Variants in CADM2 observed in about 807,000 individuals in gnomAD.
CADM2 encodes the protein immunoglobulin superfamily member 4D.
In CADM2, 12 loss-of-function variants were observed where a neutral mutation model predicts 49.8. That is an observed-to-expected ratio of 0.24 (90% CI 0.15 to 0.39). The LOEUF (loss-of-function observed/expected upper bound fraction) is 0.39. CADM2 is among the 10% of genes least tolerant of loss of function. The pLI, the probability that CADM2 is intolerant of heterozygous loss-of-function variation, is 1.00. For missense variants in CADM2, 378 were observed against 492.3 expected, an observed-to-expected ratio of 0.77 and a Z score of 2.20; for synonymous variants, 214 against 175.4, an observed-to-expected ratio of 1.22 and a Z score of -1.74.
chr3:85,714,971 A>G (rs1481978753), intron 1 of CADM2, among the ~76,000 whole-genome samples: 1 of 152,202 alleles, frequency 6.6e-6, no homozygotes, highest in African/African-American at 2.4e-5. Context: ...TTACTAATAC[A>G]GAGTCCAATC....
intron 1 of CADM2, among the ~76,000 whole-genome samples, chr3:85,697,803 G>A (rs1415269489): frequency 6.6e-6 from 1 of 152,118 alleles, no homozygotes; most frequent in East Asian, 1.9e-4. Context: ...TTATGTACAT[G>A]TATATTATTT....
chr3:85,508,179 G>A (rs149197820), intron 1 of CADM2, among the ~76,000 whole-genome samples: 139 of 152,178 alleles, frequency 9.1e-4, no homozygotes, highest in African/African-American at 2.8e-3. Context: ...CCATGAGCAC[G>A]TATTGTTTTC....
intron 8 of CADM2, among the ~76,000 whole-genome samples, chr3:85,987,731 T>C (rs1244568251): frequency 6.8e-6 from 1 of 148,008 alleles, no homozygotes; most frequent in Admixed American, 6.8e-5. Flanking sequence ...ATATAATTAT[T>C]ATAATTTCAG....
intron 1 of CADM2, among the ~76,000 whole-genome samples, chr3:85,221,172 A>G (rs1458024230): frequency 6.6e-6 from 1 of 152,150 alleles, no homozygotes; most frequent in African/African-American, 2.4e-5. Context: ...CAATGTTCCA[A>G]ATATCCAATA....
chr3:85,230,702 A>G (rs539294002), intron 1 of CADM2, among the ~76,000 whole-genome samples: 1 of 152,316 alleles, frequency 6.6e-6, no homozygotes, highest in African/African-American at 2.4e-5. Context: ...TACTGCTTGT[A>G]TAAGGAAAAT....
At chr3:85,057,962 T>A (rs1195069766) in intron 1 of CADM2, among the ~76,000 whole-genome samples, 1 of 152,172 alleles carries the variant, frequency 6.6e-6, no homozygotes, top group East Asian at 1.9e-4. Flanking sequence ...ATTTTCCCGA[T>A]GGTAGGTATT....
At chr3:85,159,564 C>T (rs2040250715) in intron 1 of CADM2, among the ~76,000 whole-genome samples, 1 of 152,080 alleles carries the variant, frequency 6.6e-6, no homozygotes, top group Non-Finnish European at 1.5e-5. Flanking sequence ...TTTCGTAGTG[C>T]TTATGTTGTT....
At chr3:85,701,326 G>A (rs1577115945) in intron 1 of CADM2, among the ~76,000 whole-genome samples, 1 of 152,264 alleles carries the variant, frequency 6.6e-6, no homozygotes, top group East Asian at 1.9e-4. Flanking sequence ...ATTACAACAT[G>A]AGATTTGGGT....
chr3:85,297,086 A>G (rs764943210), intron 1 of CADM2, among the ~76,000 whole-genome samples: 1 of 152,014 alleles, frequency 6.6e-6, no homozygotes, highest in East Asian at 1.9e-4. Context: ...ACTCCACACT[A>G]CCTTGTTTAT....
At chr3:85,708,574 A>C (rs1258722958) in intron 1 of CADM2, among the ~76,000 whole-genome samples, 1 of 152,192 alleles carries the variant, frequency 6.6e-6, no homozygotes, top group Non-Finnish European at 1.5e-5. Flanking sequence ...CAGTGTAAGC[A>C]AAATGGATCA....
At chr3:85,019,468 G>C (rs995909702) in intron 1 of CADM2, among the ~76,000 whole-genome samples, 1 of 152,164 alleles carries the variant, frequency 6.6e-6, no homozygotes, top group African/African-American at 2.4e-5. Flanking sequence ...GGTTGACAGA[G>C]TGAGATCCTG....
chr3:85,272,953 T>C (rs1227898283), intron 1 of CADM2, among the ~76,000 whole-genome samples: 2 of 151,096 alleles, frequency 1.3e-5, no homozygotes, highest in Non-Finnish European at 3.0e-5. Context: ...TGTATAAGTG[T>C]TATGATGAAC....
At chr3:85,291,345 C>T (rs1331024466) in intron 1 of CADM2, among the ~76,000 whole-genome samples, 3 of 151,436 alleles carry the variant, frequency 2.0e-5, no homozygotes, top group Non-Finnish European at 4.4e-5. Context: ...GAGAATGGAA[C>T]CAAGTTGGAA....
chr3:85,254,257 G>C (rs1450097588), intron 1 of CADM2, among the ~76,000 whole-genome samples: 1 of 152,004 alleles, frequency 6.6e-6, no homozygotes, highest in Admixed American at 6.6e-5. Flanking sequence ...TGTGGGAAGG[G>C]GTGTGGAGTT....
intron 1 of CADM2, among the ~76,000 whole-genome samples, chr3:85,241,993 C>A (rs1369611628): frequency 7.9e-5 from 12 of 151,030 alleles, no homozygotes; most frequent in Admixed American, 7.9e-4. Context: ...TAGTTGCATG[C>A]CCCACATGAT....
chr3:85,755,796 A>G (rs946973692), intron 2 of CADM2, among the ~76,000 whole-genome samples: 2 of 151,976 alleles, frequency 1.3e-5, no homozygotes, highest in African/African-American at 2.4e-5. Flanking sequence ...TGATCCAATC[A>G]CCCCTCACCA....
intron 8 of CADM2, chr3:86,013,414 CAGA>C: frequency 6.4e-7 from 1 of 1,554,046 alleles, no homozygotes; most frequent in Non-Finnish European, 8.8e-7. Flanking sequence ...GAAGAAATCC[CAGA>C]AGGTCTCTTT....
intron 1 of CADM2, among the ~76,000 whole-genome samples, chr3:85,003,385 T>C (rs1319167971): frequency 6.6e-6 from 1 of 152,124 alleles, no homozygotes; most frequent in Admixed American, 6.6e-5. Flanking sequence ...TAAAAAAATC[T>C]TATATTTTTA....
intron 1 of CADM2, among the ~76,000 whole-genome samples, chr3:85,291,894 A>C (rs1221447347): frequency 2.6e-5 from 4 of 151,402 alleles, no homozygotes; most frequent in East Asian, 3.9e-4. Context: ...CGAGCAAAAT[A>C]ACCAGCTAAC....
Sources: allele counts gnomAD v4.1 joint callset (sites outside exome capture counted in the v4.1 genomes callset), GRCh38; gene constraint gnomAD v4.1.1; transcripts MANE v1.5; gene names NCBI Gene and HGNC (gene_info 2026-07-23, HGNC 2026-07-21).